ZC3H3: variants seen among roughly 807,000 people sequenced by gnomAD.
ZC3H3 encodes zinc finger CCCH-type containing 3, also known as zinc finger CCCH domain-containing protein 3.
Under a neutral mutation model 77.3 loss-of-function variants are expected in ZC3H3, and 36 were observed. The observed-to-expected ratio is 0.47, with a 90% confidence interval of 0.36 to 0.61. ZC3H3 has a LOEUF of 0.61. Among genes scored for constraint, ZC3H3 ranks in the 20% least tolerant of loss-of-function variants. The pLI is 0.00. For missense variants in ZC3H3, 1,331 were observed against 1,312.2 expected (o/e 1.01, Z -0.22); for synonymous variants, 626 against 555.2 (o/e 1.13, Z -1.79).
chr8:143,512,617 G>A (rs1295115961), intron 3 of ZC3H3, among the ~76,000 whole-genome samples: 1 of 152,190 alleles, frequency 6.6e-6, no homozygotes, highest in Non-Finnish European at 1.5e-5. Context: ...AGGGCAGGAG[G>A]CCCTGTGCCA....
chr8:143,512,133 G>A (rs188636058), intron 3 of ZC3H3, among the ~76,000 whole-genome samples: 2 of 152,368 alleles, frequency 1.3e-5, no homozygotes, highest in African/African-American at 4.8e-5. Context: ...CCCAGACCCT[G>A]CATGCAAGGA....
chr8:143,502,045 C>T (rs541104088), intron 4 of ZC3H3, among the ~76,000 whole-genome samples: 12 of 152,344 alleles, frequency 7.9e-5, no homozygotes, highest in South Asian at 6.2e-4. Context: ...AGAGTGCACA[C>T]GCACTCACCA....
chr8:143,449,331 T>C (rs1819931911), intron 9 of ZC3H3, among the ~76,000 whole-genome samples: 1 of 152,230 alleles, frequency 6.6e-6, no homozygotes, highest in African/African-American at 2.4e-5. Flanking sequence ...CTTTTAAATA[T>C]AAGTTCCAGC....
In ZC3H3 at chr8:143,440,205, G is replaced by T. The variant is rs1011247746; in HGVS notation, c.2651C>A (p.Ala884Asp). Residue 884 changes from alanine to aspartate, a missense_variant, in exon 11 of 12, where the codon GCT (alanine) becomes GAT (aspartate). Coordinates refer to ENST00000262577, the MANE Select transcript of ZC3H3 (RefSeq NM_015117.3). ...SSSSSSSSPP[A>D]SLDHEAPSLQ... ...AGATGGTGCCTCGTGGTCCAAGGAA[G>T]CGGGAGGGGATGAGGAGGAGGAGGA... The T allele has an allele frequency of 1.9e-6, 3 of 1,610,776 alleles. No homozygotes were observed. Among genetic ancestry groups the T allele is most frequent in the African/African-American group, 2.7e-5 (2 of 74,982 alleles).
At chr8:143,480,856 G>A (rs753236996) in intron 4 of ZC3H3, among the ~76,000 whole-genome samples, 3 of 152,182 alleles carry the variant, frequency 2.0e-5, no homozygotes, top group Admixed American at 6.5e-5. Flanking sequence ...GAAGGGGCCC[G>A]GTCTCTTGAC....
chr8:143,528,619 C>G (rs763602584), intron 3 of ZC3H3, among the ~76,000 whole-genome samples: 2 of 152,216 alleles, frequency 1.3e-5, no homozygotes, highest in Non-Finnish European at 2.9e-5. Context: ...GTGCTGCTGC[C>G]GACCTCCACC....
chr8:143,532,245 T>C (rs1019288624), intron 3 of ZC3H3, among the ~76,000 whole-genome samples: 3 of 151,892 alleles, frequency 2.0e-5, no homozygotes, highest in African/African-American at 7.3e-5. Context: ...CAAAAAAGGG[T>C]GGACGGAGGC....
At position 143,444,548 on chromosome 8, in the gene ZC3H3, A is replaced by G. The variant is rs368720041; in HGVS notation, c.2308-3428T>C. ...CAAGTTAGATTTATCTCAGGAATGCAAGGTTGGTTTAATATTAGAAAATCA... is the reference window on the plus strand; with the variant it reads ...CAAGTTAGATTTATCTCAGGAATGCGAGGTTGGTTTAATATTAGAAAATCA... On this transcript the variant is annotated intron_variant, in intron 9 of 11. Coordinates refer to ENST00000262577, the MANE Select transcript of ZC3H3 (RefSeq NM_015117.3). Among the ~76,000 whole-genome samples the G allele has an allele frequency of 3.3e-5, 5 of 152,256 alleles. No homozygotes were observed. The East Asian group carries it at 9.6e-4, about 29-fold the overall frequency.
At chr8:143,445,295 T>A (rs914885379) in intron 9 of ZC3H3, among the ~76,000 whole-genome samples, 4 of 151,442 alleles carry the variant, frequency 2.6e-5, no homozygotes, top group African/African-American at 9.7e-5. Flanking sequence ...GCAGGAGAAT[T>A]GCTTGAACCT....
intron 9 of ZC3H3, among the ~76,000 whole-genome samples, chr8:143,449,913 A>T (rs949971838): frequency 1.3e-5 from 2 of 151,836 alleles, no homozygotes; most frequent in Admixed American, 1.3e-4. Context: ...CCTCATCTCC[A>T]TCTGAGACCT....
Position 143,504,078 on chromosome 8 carries a change from C to T in ZC3H3, c.1715+3668G>A, listed in dbSNP as rs542853392. Among the ~76,000 whole-genome samples the T allele has an allele frequency of 1.8e-3, 263 of 147,238 alleles. 4 individuals are homozygous for T. Among genetic ancestry groups the T allele is most frequent in the Middle Eastern group, 0.01 (3 of 294 alleles). On this transcript the variant is annotated intron_variant, in intron 4 of 11. Transcript: ENST00000262577. ...ACTCACTTGCCTACCCTCCTTCCCT[C>T]GGGCTGCAGGGAAGGGGAGTTTCTA...
In ZC3H3 at chr8:143,438,004, T is replaced by A. The variant is rs1484191531; in HGVS notation, c.*52A>T. On this transcript the variant is annotated 3_prime_UTR_variant, in exon 12 of 12. Coordinates refer to ENST00000262577, the MANE Select transcript of ZC3H3 (RefSeq NM_015117.3). The stretch of plus-strand genomic sequence containing the variant: ...GGTAGAGTGGTGGACAGAGCCTCTT[T>A]CCTCTCCAAGGATGAGGGTCTGAGG... 4.4e-6 allele frequency: 7 copies of A among 1,589,544 alleles called. No homozygotes were observed. The Admixed American group carries it at 1.3e-4, about 28-fold the overall frequency.
At chr8:143,482,996 G>A (rs1019026038) in intron 4 of ZC3H3, among the ~76,000 whole-genome samples, 12 of 152,232 alleles carry the variant, frequency 7.9e-5, no homozygotes, top group Non-Finnish European at 1.3e-4. Flanking sequence ...TGGCCAGGCC[G>A]CCCAGGCCAG....
chr8:143,532,249 C>A (rs1478803537), intron 3 of ZC3H3, among the ~76,000 whole-genome samples: 2 of 152,108 alleles, frequency 1.3e-5, no homozygotes, highest in Non-Finnish European at 2.9e-5. Flanking sequence ...AAAGGGTGGA[C>A]GGAGGCGATA....
intron 9 of ZC3H3, among the ~76,000 whole-genome samples, chr8:143,447,038 G>C (rs1233288632): frequency 6.6e-6 from 1 of 152,244 alleles, no homozygotes; most frequent in Non-Finnish European, 1.5e-5. Flanking sequence ...GAAGGGCACA[G>C]GGACTGGGCC....
At chr8:143,461,975 C>CTTT (rs76981079) in intron 9 of ZC3H3, among the ~76,000 whole-genome samples, 2 of 140,738 alleles carry the variant, frequency 1.4e-5, no homozygotes, top group African/African-American at 2.6e-5. Context: ...AGTTAAGCTG[C>CTTT]TTTTTTTTTT....
At chr8:143,486,719 C>A (rs1164296974) in intron 4 of ZC3H3, among the ~76,000 whole-genome samples, 1 of 151,582 alleles carries the variant, frequency 6.6e-6, no homozygotes, top group Non-Finnish European at 1.5e-5. Flanking sequence ...ACCCCACCAC[C>A]ACGAAGCTCA....
intron 4 of ZC3H3, among the ~76,000 whole-genome samples, chr8:143,488,809 G>T (rs1243812305): frequency 6.6e-6 from 1 of 152,206 alleles, no homozygotes; most frequent in Admixed American, 6.5e-5. Context: ...TGACAAAAAG[G>T]CGACTCCCCC....
At chr8:143,524,447 C>T (rs1822347483) in intron 3 of ZC3H3, among the ~76,000 whole-genome samples, 1 of 152,238 alleles carries the variant, frequency 6.6e-6, no homozygotes, top group South Asian at 2.1e-4. Flanking sequence ...TGGTCAGACA[C>T]ACCCGGCCGA....
Sources: gnomAD v4.1 joint callset for allele counts (sites outside exome capture counted in the v4.1 genomes callset) on GRCh38, gnomAD v4.1.1 for gene constraint, MANE v1.5 for transcripts, NCBI Gene and HGNC (gene_info 2026-07-23, HGNC 2026-07-21) for gene names.